Variants in ADORA2B observed in about 807,000 individuals in gnomAD.
ADORA2B encodes adenosine receptor A2b.
In ADORA2B, 18 loss-of-function variants were observed where a neutral mutation model predicts 20.8. That is an observed-to-expected ratio of 0.87 (90% CI 0.60 to 1.29). The LOEUF is 1.29. ADORA2B is among the 50% of genes most tolerant of loss of function. The pLI, the probability that ADORA2B is intolerant of heterozygous loss-of-function variation, is 0.00. For synonymous variants in ADORA2B, 179 were observed against 178.3 expected (o/e 1.00, Z -0.03); for missense variants, 441 against 422.7 (o/e 1.04, Z -0.38).
chr17:15,861,900 C>T, the ADORA2B span, among the ~76,000 whole-genome samples: 1 of 152,234 alleles, frequency 6.6e-6, no homozygotes, highest in African/African-American at 2.4e-5. Flanking sequence ...CTGTCCTCTG[C>T]ACTCCTCATC....
At chr17:15,936,189 T>C in the ADORA2B span, among the ~76,000 whole-genome samples, 2 of 152,158 alleles carry the variant, frequency 1.3e-5, no homozygotes, top group African/African-American at 4.8e-5. Context: ...TGGCCTGTTA[T>C]TGTACTTTTC....
intron 1 of ADORA2B, among the ~76,000 whole-genome samples, chr17:15,955,508 G>T (rs1486212275): frequency 3.3e-5 from 5 of 151,500 alleles, no homozygotes; most frequent in Non-Finnish European, 7.4e-5. Context: ...CCGGGCTCAG[G>T]CAATTCTCCT....
the ADORA2B span, among the ~76,000 whole-genome samples, chr17:15,883,428 A>T: frequency 0.013 from 1,943 of 152,332 alleles, 34 homozygotes; most frequent in African/African-American, 0.045. Context: ...CACTGGCTAC[A>T]GAGTTGCAAA....
intron 1 of ADORA2B, 182 bp from the exon 2 acceptor site, chr17:15,974,497 C>G: frequency 1.8e-6 from 1 of 557,904 alleles, no homozygotes; most frequent in African/African-American, 1.9e-5. Flanking sequence ...ACTGAGTTTT[C>G]TAGAGCAAAG....
the ADORA2B span, among the ~76,000 whole-genome samples, chr17:15,906,125 G>A: frequency 6.6e-6 from 1 of 152,094 alleles, no homozygotes; most frequent in African/African-American, 2.4e-5. Flanking sequence ...TTTTGCACTA[G>A]CTAGAACTTC....
At chr17:15,923,607 CG>C in the ADORA2B span, among the ~76,000 whole-genome samples, 9 of 151,558 alleles carry the variant, frequency 5.9e-5, no homozygotes, top group Non-Finnish European at 1.0e-4. Flanking sequence ...AGGCTTTCAC[CG>C]TGTTAGCCAG....
chr17:15,851,873 C>G, the ADORA2B span, among the ~76,000 whole-genome samples: 1 of 152,166 alleles, frequency 6.6e-6, no homozygotes, highest in Non-Finnish European at 1.5e-5. Context: ...ACACATTGCC[C>G]TCAGTTTACC....
At chr17:15,927,145 G>A in the ADORA2B span, among the ~76,000 whole-genome samples, 10 of 151,926 alleles carry the variant, frequency 6.6e-5, no homozygotes, top group Non-Finnish European at 1.0e-4. Context: ...TCAGGAGTTC[G>A]AAACCAGCCT....
chr17:15,921,635 GTTAGAA>G, the ADORA2B span, among the ~76,000 whole-genome samples: 1 of 152,148 alleles, frequency 6.6e-6, no homozygotes, highest in Non-Finnish European at 1.5e-5. Context: ...GTCAGTATCA[GTTAGAA>G]TTAGGTTAAG....
At chr17:15,909,039 C>T in the ADORA2B span, among the ~76,000 whole-genome samples, 3 of 151,904 alleles carry the variant, frequency 2.0e-5, no homozygotes, top group Admixed American at 2.0e-4. Flanking sequence ...AAAACTTTGC[C>T]CTTGGCTGAG....
chr17:15,952,785 G>A (rs2151596266), intron 1 of ADORA2B, among the ~76,000 whole-genome samples: 1 of 152,276 alleles, frequency 6.6e-6, no homozygotes, highest in Middle Eastern at 3.4e-3. Flanking sequence ...TCCTCGGATT[G>A]GGGAACTGAG....
chr17:15,926,342 G>T, the ADORA2B span, among the ~76,000 whole-genome samples: 1 of 151,900 alleles, frequency 6.6e-6, no homozygotes, highest in Non-Finnish European at 1.5e-5. Context: ...TAAGCACTAG[G>T]AAGACAAGCA....
the ADORA2B span, among the ~76,000 whole-genome samples, chr17:15,932,261 G>A: frequency 3.4e-4 from 51 of 151,942 alleles, no homozygotes; most frequent in Admixed American, 9.8e-4. Flanking sequence ...TTGGGAGGCC[G>A]AGGTGGGAGG....
At chr17:15,926,117 G>A in the ADORA2B span, among the ~76,000 whole-genome samples, 4 of 151,978 alleles carry the variant, frequency 2.6e-5, no homozygotes, top group African/African-American at 7.3e-5. Flanking sequence ...ACCCAGCATC[G>A]GTTTTATTTA....
chr17:15,927,284 C>T, the ADORA2B span, among the ~76,000 whole-genome samples: 1 of 152,118 alleles, frequency 6.6e-6, no homozygotes, highest in East Asian at 1.9e-4. Flanking sequence ...GAGATGGAGA[C>T]CATTCTGGCT....
chr17:15,911,219 A>G, the ADORA2B span, among the ~76,000 whole-genome samples: 3 of 152,264 alleles, frequency 2.0e-5, no homozygotes, highest in Admixed American at 2.0e-4. Flanking sequence ...TCAACCCGAG[A>G]GTTATTACTT....
chr17:15,898,115 A>G, the ADORA2B span, among the ~76,000 whole-genome samples: 1 of 152,194 alleles, frequency 6.6e-6, no homozygotes, highest in Non-Finnish European at 1.5e-5. Flanking sequence ...GAGGAAACTT[A>G]CACATCTGAC....
chr17:15,884,855 C>T, the ADORA2B span, among the ~76,000 whole-genome samples: 1 of 152,098 alleles, frequency 6.6e-6, no homozygotes, highest in Non-Finnish European at 1.5e-5. Flanking sequence ...TGTCTTTGCT[C>T]TTATGACTAG....
rs1969788539 is a variant in ADORA2B, at chr17:15,945,422, C to T, written c.174C>T (p.Leu58=). 1.9e-6 allele frequency: 3 copies of T among 1,613,538 alleles called. No homozygotes were observed. The highest frequency in any genetic ancestry group is 2.7e-5 in the African/African-American group (2 of 74,944). The stretch of plus-strand genomic sequence containing the variant: ...CTGCGGCCGACGTGGCCGTGGGGCT[C>T]TTCGCCATCCCCTTTGCCATCACCA... ...SLAAADVAVG[L]FAIPFAITIS... Residue 58 remains leucine, a synonymous_variant, in exon 1 of 2, where the codon CTC becomes CTT. Coordinates refer to ENST00000304222, the MANE Select transcript of ADORA2B (RefSeq NM_000676.4).
Sources: allele counts gnomAD v4.1 joint callset (sites outside exome capture counted in the v4.1 genomes callset), GRCh38; gene constraint gnomAD v4.1.1; transcripts MANE v1.5; gene names NCBI Gene and HGNC (gene_info 2026-07-23, HGNC 2026-07-21).